The following MRPS28 variants were observed in gnomAD, a reference collection of about 807,000 sequenced individuals.
The protein encoded by MRPS28 is mitochondrial ribosomal protein S28, also known as small ribosomal subunit protein bS1m.
In MRPS28, 7 loss-of-function variants were observed where a neutral mutation model predicts 10.8. That is an observed-to-expected ratio of 0.65 (90% CI 0.37 to 1.22). MRPS28 has a LOEUF of 1.22. Ranked by LOEUF, MRPS28 falls within the 50% of genes most tolerant of loss-of-function variation. The pLI is 0.02. For missense variants in MRPS28, 265 were observed against 232.9 expected, an observed-to-expected ratio of 1.14 and a Z score of -0.90; for synonymous variants, 121 against 93.3, an observed-to-expected ratio of 1.30 and a Z score of -1.71.
At chr8:79,988,361 G>A (rs1365377885) in intron 2 of MRPS28, among the ~76,000 whole-genome samples, 8 of 151,300 alleles carry the variant, frequency 5.3e-5, no homozygotes, top group South Asian at 2.1e-4. Context: ...AGCATGGCAC[G>A]TGTATATGTA....
chr8:80,029,079 C>G (rs1245612471), intron 1 of MRPS28, among the ~76,000 whole-genome samples: 1 of 152,218 alleles, frequency 6.6e-6, no homozygotes, highest in African/African-American at 2.4e-5. Context: ...TCACCAACAC[C>G]TTGATTTTAG....
intron 2 of MRPS28, among the ~76,000 whole-genome samples, chr8:79,920,460 C>A (rs1810059554): frequency 6.6e-6 from 1 of 152,294 alleles, no homozygotes; most frequent in Middle Eastern, 3.4e-3. Flanking sequence ...CTGTTGTTTC[C>A]TGACTTTTTA....
intron 2 of MRPS28, among the ~76,000 whole-genome samples, chr8:79,990,640 G>T (rs1808336258): frequency 6.6e-6 from 1 of 151,686 alleles, no homozygotes; most frequent in East Asian, 1.9e-4. Context: ...ACAGCAAAAA[G>T]AAAAAGAATA....
intron 1 of MRPS28, among the ~76,000 whole-genome samples, chr8:80,010,624 A>T (rs528921617): frequency 1.3e-5 from 2 of 152,364 alleles, no homozygotes; most frequent in South Asian, 4.1e-4. Context: ...TAAATTTTCC[A>T]ATTTTTAAAT....
At chr8:80,012,381 T>C (rs1809074656) in intron 1 of MRPS28, among the ~76,000 whole-genome samples, 1 of 152,220 alleles carries the variant, frequency 6.6e-6, no homozygotes, top group African/African-American at 2.4e-5. Flanking sequence ...AATGTACTCA[T>C]TTACTTGTCA....
At chr8:79,975,826 T>C (rs1807781385) in intron 2 of MRPS28, among the ~76,000 whole-genome samples, 1 of 152,282 alleles carries the variant, frequency 6.6e-6, no homozygotes, top group East Asian at 1.9e-4. Flanking sequence ...CTAAATAATT[T>C]ATTATAAGGA....
At chr8:79,928,376 A>C (rs1806360305) in intron 2 of MRPS28, among the ~76,000 whole-genome samples, 2 of 152,020 alleles carry the variant, frequency 1.3e-5, no homozygotes, top group Non-Finnish European at 2.9e-5. Context: ...AGGGCTTAGA[A>C]TAGAGTTCGT....
intron 2 of MRPS28, among the ~76,000 whole-genome samples, chr8:79,968,587 T>C (rs1273572241): frequency 2.6e-5 from 4 of 152,118 alleles, no homozygotes; most frequent in African/African-American, 9.7e-5. Context: ...CCCCTGCAAC[T>C]TTCCCTTCTC....
chr8:80,010,935 TGA>T (rs1809024152), intron 1 of MRPS28, among the ~76,000 whole-genome samples: 1 of 152,208 alleles, frequency 6.6e-6, no homozygotes, highest in Non-Finnish European at 1.5e-5. Context: ...ATGTATGCCA[TGA>T]GCAATCATAC....
At chr8:79,930,666 C>G (rs148486404) in intron 2 of MRPS28, among the ~76,000 whole-genome samples, 1 of 152,312 alleles carries the variant, frequency 6.6e-6, no homozygotes, top group East Asian at 1.9e-4. Context: ...ATTCCCTAAT[C>G]TCTGGGTCAT....
At chr8:79,981,126 C>CAA (rs1221074848) in intron 2 of MRPS28, among the ~76,000 whole-genome samples, 6 of 152,030 alleles carry the variant, frequency 3.9e-5, no homozygotes, top group Admixed American at 6.6e-5. Flanking sequence ...TTCAGGAGTT[C>CAA]AAGATGAGCC....
chr8:79,990,824 CA>C (rs34065249), intron 2 of MRPS28, among the ~76,000 whole-genome samples: 10 of 144,024 alleles, frequency 6.9e-5, no homozygotes, highest in South Asian at 2.2e-4. Context: ...CCCATCTCTA[CA>C]AAAAAAAAAA....
chr8:79,954,358 C>T (rs1445055100), intron 2 of MRPS28, among the ~76,000 whole-genome samples: 1 of 152,074 alleles, frequency 6.6e-6, no homozygotes, highest in Non-Finnish European at 1.5e-5. Context: ...TGCACACATA[C>T]ACACTCATGG....
intron 2 of MRPS28, among the ~76,000 whole-genome samples, chr8:79,998,148 G>GTAA (rs1292836282): frequency 6.6e-6 from 1 of 152,044 alleles, no homozygotes; most frequent in Non-Finnish European, 1.5e-5. Flanking sequence ...AAAGTGCCTA[G>GTAA]GTATAGTACA....
At chr8:80,029,772 C>G in intron 1 of MRPS28, 1 of 1,500,066 alleles carries the variant, frequency 6.7e-7, no homozygotes, top group Non-Finnish European at 8.9e-7. Flanking sequence ...TTCCCACCAG[C>G]ATTCAATCCC....
intron 2 of MRPS28, among the ~76,000 whole-genome samples, chr8:79,964,137 C>A (rs1259053025): frequency 6.6e-6 from 1 of 151,954 alleles, no homozygotes; most frequent in Non-Finnish European, 1.5e-5. Context: ...GTAATGTAGG[C>A]CATTACTCAA....
intron 1 of MRPS28, among the ~76,000 whole-genome samples, chr8:80,003,710 A>T (rs1298267310): frequency 6.6e-6 from 1 of 152,110 alleles, no homozygotes; most frequent in Non-Finnish European, 1.5e-5. Context: ...CAGAAAACGC[A>T]AGGGGTCAGG....
At chr8:80,002,159 C>A (rs1808676282) in intron 2 of MRPS28, among the ~76,000 whole-genome samples, 1 of 152,062 alleles carries the variant, frequency 6.6e-6, no homozygotes, top group Non-Finnish European at 1.5e-5. Flanking sequence ...AATTGCTCTC[C>A]TAGGTCTACA....
intron 1 of MRPS28, among the ~76,000 whole-genome samples, chr8:80,013,187 T>C (rs373298881): frequency 1.3e-4 from 20 of 152,194 alleles, no homozygotes; most frequent in African/African-American, 4.1e-4. Flanking sequence ...TGTTTTCTCA[T>C]TTGTAAATTA....
Sources: allele counts gnomAD v4.1 joint callset (sites outside exome capture counted in the v4.1 genomes callset), GRCh38; gene constraint gnomAD v4.1.1; transcripts MANE v1.5; gene names NCBI Gene and HGNC (gene_info 2026-07-23, HGNC 2026-07-21).